Variants in EDEM2 observed in about 807,000 individuals in gnomAD.
EDEM2 encodes the protein ER degradation enhancing alpha-mannosidase like protein 2.
EDEM2 carries 39 observed loss-of-function variants against 64.8 expected under a neutral mutation model. The ratio of observed to expected loss-of-function variants is 0.60; its 90% CI spans 0.47 to 0.79. The LOEUF is 0.79. Ranked by LOEUF, EDEM2 falls within the 30% of genes least tolerant of loss-of-function variation. The pLI, the probability that EDEM2 is intolerant of heterozygous loss-of-function variation, is 0.00. For missense variants in EDEM2, 609 were observed against 731.3 expected, an observed-to-expected ratio of 0.83 and a Z score of 1.93; for synonymous variants, 296 against 291.5, an observed-to-expected ratio of 1.02 and a Z score of -0.16.
chr20:35,141,090 C>T (rs367686717), intron 4 of EDEM2, among the ~76,000 whole-genome samples: 130 of 141,156 alleles, frequency 9.2e-4, no homozygotes, highest in African/African-American at 3.0e-3. Context: ...ACTACACTCC[C>T]GCCTGGGCGA....
At chr20:35,128,098 A>G (rs1362136272) in intron 7 of EDEM2, among the ~76,000 whole-genome samples, 1 of 152,170 alleles carries the variant, frequency 6.6e-6, no homozygotes, top group Non-Finnish European at 1.5e-5. Context: ...TTATATAAAA[A>G]AAGTCGGCTG....
intron 1 of EDEM2, 82 bp downstream of exon 1, chr20:35,147,070 G>A: frequency 1.3e-6 from 2 of 1,548,636 alleles, no homozygotes; most frequent in Non-Finnish European, 1.8e-6. Context: ...GGAGCAAGTC[G>A]GGGTCTGGGA....
In EDEM2 at chr20:35,115,454, C is replaced by T. The variant is rs779156385; in HGVS notation, c.1716G>A (p.Gln572=). 1.3e-5 allele frequency: 21 copies of T among 1,612,774 alleles called. No homozygotes were observed. Among genetic ancestry groups the T allele is most frequent in the Admixed American group, 3.3e-5 (2 of 59,952 alleles). ...PFTSKLALLG[Q]VFLDSS ...GTGGTTATGAGGAGTCTAGGAAAAC[C>T]TGTCCCAGTAATGCCAACTTGGAGG... The change falls in exon 11 of 11, where the codon CAG becomes CAA. Residue 572 remains glutamine (Q), a synonymous_variant. Transcript: ENST00000374492.
chr20:35,137,861 A>G lies in EDEM2; in HGVS notation c.490+19T>C. On this transcript the variant is annotated intron_variant, in intron 5 of 10. Coordinates refer to ENST00000374492, the MANE Select transcript of EDEM2 (RefSeq NM_018217.3). Reference sequence around the variant, plus strand: ...ACCTACTGGACTTCGTCTCTGCCCCATCTCTGTGTGGGTCTTACCTGGGAG... The same window carrying G: ...ACCTACTGGACTTCGTCTCTGCCCCGTCTCTGTGTGGGTCTTACCTGGGAG... 6.2e-7 allele frequency: 1 copy of G among 1,612,580 alleles called. No individual in the cohort carries two copies. The highest frequency in any genetic ancestry group is 1.1e-5 in the South Asian group (1 of 90,938).
intron 7 of EDEM2, among the ~76,000 whole-genome samples, chr20:35,128,887 C>T (rs1208872110): frequency 6.6e-6 from 1 of 150,778 alleles, no homozygotes; most frequent in Non-Finnish European, 1.5e-5. Context: ...GTGTTTTAAG[C>T]TAAGCATTAT....
intron 10 of EDEM2, chr20:35,117,310 T>C (rs1294178888): frequency 6.6e-6 from 1 of 152,218 alleles, no homozygotes; most frequent in African/African-American, 2.4e-5. Context: ...TAGTAATACT[T>C]CTAAACAAAA....
At chr20:35,141,044 C>A (rs1427428877) in intron 4 of EDEM2, among the ~76,000 whole-genome samples, 2 of 139,868 alleles carry the variant, frequency 1.4e-5, no homozygotes, top group Non-Finnish European at 3.0e-5. Flanking sequence ...CGCCTGAACC[C>A]GGGAGGCAGA....
intron 9 of EDEM2, among the ~76,000 whole-genome samples, chr20:35,121,975 G>A (rs1428790996): frequency 1.3e-5 from 2 of 152,130 alleles, no homozygotes; most frequent in East Asian, 1.9e-4. Flanking sequence ...TTCTTATAGA[G>A]ACAAGGTCTT....
Position 35,115,604 on chromosome 20 carries a change from C to T in EDEM2, c.1566G>A (p.Ser522=), listed in dbSNP as rs201296329. 2.0e-5 allele frequency: 33 copies of T among 1,613,426 alleles called. No homozygotes were observed. Among genetic ancestry groups the T allele is most frequent in the Middle Eastern group, 3.3e-4 (2 of 6,062 alleles). ...GCCTTGCTGGAGGTTCCCATGGCCC[C>T]GAACTAACAGTGTTTTTCTGAAATT... ...RSKFQKNTVS[S]GPWEPPARPG... The change falls in exon 11 of 11, where the codon TCG becomes TCA. Residue 522 remains serine (S), a synonymous_variant. Transcript: ENST00000374492.
chr20:35,137,184 G>A (rs2085588315), intron 5 of EDEM2, among the ~76,000 whole-genome samples: 2 of 152,114 alleles, frequency 1.3e-5, no homozygotes, highest in African/African-American at 2.4e-5. Flanking sequence ...TTGGGAGGCC[G>A]AGGCAGCCAG....
chr20:35,146,209 A>G (rs6060267), intron 2 of EDEM2, among the ~76,000 whole-genome samples: 72,564 of 151,772 alleles, frequency 0.48, 17,898 homozygotes, highest in African/African-American at 0.59. Context: ...TACCACTTGA[A>G]TTTGCCATTT....
At chr20:35,145,154 G>A in intron 2 of EDEM2, 136 bp from the exon 3 acceptor site, 1 of 844,396 alleles carries the variant, frequency 1.2e-6, no homozygotes, top group South Asian at 1.7e-5. Context: ...AGTCACAACA[G>A]AGAAACCACA....
intron 7 of EDEM2, among the ~76,000 whole-genome samples, chr20:35,127,951 GGT>G (rs2085456542): frequency 6.6e-6 from 1 of 152,146 alleles, no homozygotes; most frequent in South Asian, 2.1e-4. Context: ...TGGTGATACT[GGT>G]GTAAACACAC....
intron 8 of EDEM2, among the ~76,000 whole-genome samples, chr20:35,124,955 A>G (rs2085412622): frequency 6.6e-6 from 1 of 152,196 alleles, no homozygotes; most frequent in Non-Finnish European, 1.5e-5. Flanking sequence ...GTCAAAGGAT[A>G]TATGCATTTA....
intron 7 of EDEM2, among the ~76,000 whole-genome samples, chr20:35,128,202 G>A (rs1053039036): frequency 1.3e-5 from 2 of 152,064 alleles, no homozygotes; most frequent in African/African-American, 4.8e-5. Flanking sequence ...CTAACACGGT[G>A]AAACCCCATC....
chr20:35,137,079 G>C (rs1006710497), intron 5 of EDEM2, among the ~76,000 whole-genome samples: 1 of 152,162 alleles, frequency 6.6e-6, no homozygotes, highest in Admixed American at 6.5e-5. Context: ...CGATGTGGTA[G>C]GGAAGTAGAA....
At chr20:35,145,953 G>C (rs1384595004) in intron 2 of EDEM2, among the ~76,000 whole-genome samples, 1 of 128,948 alleles carries the variant, frequency 7.8e-6, no homozygotes, top group Non-Finnish European at 1.5e-5. Flanking sequence ...AGTGAGCCAA[G>C]ATCACGCCAT....
intron 7 of EDEM2, among the ~76,000 whole-genome samples, chr20:35,126,789 G>A (rs1157339365): frequency 1.3e-5 from 2 of 152,294 alleles, no homozygotes; most frequent in South Asian, 4.1e-4. Flanking sequence ...GTGCATGCCT[G>A]TAATCTCAGC....
In EDEM2 at chr20:35,142,493, G is replaced by C; in HGVS notation, c.259-15C>G. On this transcript the variant is annotated splice_polypyrimidine_tract_variant and intron_variant, in intron 3 of 10. Coordinates refer to ENST00000374492, the MANE Select transcript of EDEM2 (RefSeq NM_018217.3). ...TTCCCCAAAATCTGGAAATAAAAAA[G>C]AGACCTGACAATGAGGCTCTTACAT... 6 of 1,600,516 alleles carry C rather than the reference G, an allele frequency of 3.7e-6. No homozygotes were observed. The highest frequency in any genetic ancestry group is 4.3e-6 in the Non-Finnish European group (5 of 1,168,790).
Sources: gnomAD v4.1 joint callset for allele counts (sites outside exome capture counted in the v4.1 genomes callset) on GRCh38, gnomAD v4.1.1 for gene constraint, MANE v1.5 for transcripts, NCBI Gene and HGNC (gene_info 2026-07-23, HGNC 2026-07-21) for gene names.